CFAP299: variants seen among roughly 807,000 people sequenced by gnomAD.
CFAP299 encodes the protein cilia- and flagella-associated protein 299.
In CFAP299, 21 loss-of-function variants were observed where a neutral mutation model predicts 27.0. The ratio of observed to expected loss-of-function variants is 0.78; its 90% confidence interval spans 0.55 to 1.12. CFAP299 has a LOEUF of 1.12. Ranked by LOEUF, CFAP299 falls within the 50% of genes most tolerant of loss-of-function variation. The pLI is 0.00. For missense variants in CFAP299, 310 were observed against 276.6 expected (o/e 1.12, Z -0.86); for synonymous variants, 104 against 98.1 (o/e 1.06, Z -0.36).
intron 4 of CFAP299, among the ~76,000 whole-genome samples, chr4:80,936,249 A>G (rs1387305279): frequency 6.6e-6 from 1 of 152,096 alleles, no homozygotes; most frequent in African/African-American, 2.4e-5. Flanking sequence ...CAATGACCTA[A>G]AAACAGAAAT....
At chr4:80,727,600 T>C (rs969699804) in intron 3 of CFAP299, among the ~76,000 whole-genome samples, 1 of 152,060 alleles carries the variant, frequency 6.6e-6, no homozygotes, top group African/African-American at 2.4e-5. Context: ...CTTATAATTA[T>C]ACTACATAGG....
rs1241994808 is a variant in CFAP299, at chr4:80,889,035, A to G, written c.476+18900A>G. ...GCAAAAAAAAAAAAAAAAAAAAAAG[A>G]GGGAAAACTTCAAATAAACTACCTA... On this transcript the variant is annotated intron_variant, in intron 4 of 5. Coordinates refer to ENST00000358105, the MANE Select transcript of CFAP299 (RefSeq NM_152770.3). Among the ~76,000 whole-genome samples the G allele has an allele frequency of 2.5e-4, 36 of 143,634 alleles. 1 individual carries two copies. The highest frequency in any genetic ancestry group is 8.9e-4 in the African/African-American group (34 of 38,260). 94.2% of individuals were successfully genotyped at this position (143,634 alleles called of 152,430 possible). A position where few individuals can be genotyped will look rare whatever the true frequency, so the allele number is the denominator to read the frequency against.
rs969468961 is a variant in CFAP299, at chr4:80,530,652, T to C, written c.243-52441T>C. Among the ~76,000 whole-genome samples the C allele has an allele frequency of 2.0e-5, 3 of 152,230 alleles. 1 individual carries two copies. Among genetic ancestry groups the C allele is most frequent in the Non-Finnish European group, 2.9e-5 (2 of 68,040 alleles). On this transcript the variant is annotated intron_variant, in intron 2 of 5. Coordinates refer to ENST00000358105, the MANE Select transcript of CFAP299 (RefSeq NM_152770.3). Reference sequence around the variant, plus strand: ...AAGGAGACAAGAAGGAATCAGTCAATGCATTTTGTGCTAAATTGTAAATGC... The same window carrying C: ...AAGGAGACAAGAAGGAATCAGTCAACGCATTTTGTGCTAAATTGTAAATGC...
At chr4:80,700,491 G>A (rs150552620) in intron 3 of CFAP299, among the ~76,000 whole-genome samples, 140 of 152,232 alleles carry the variant, frequency 9.2e-4, no homozygotes, top group Non-Finnish European at 1.3e-3. Context: ...TAAGGTAGTA[G>A]TACTTCAATT....
At chr4:80,852,587 T>C (rs2110149386) in intron 3 of CFAP299, among the ~76,000 whole-genome samples, 1 of 152,362 alleles carries the variant, frequency 6.6e-6, no homozygotes. Flanking sequence ...GAAGCATTAT[T>C]AATTTACGTG....
At chr4:80,744,804 A>C (rs1421291904) in intron 3 of CFAP299, among the ~76,000 whole-genome samples, 4 of 152,172 alleles carry the variant, frequency 2.6e-5, no homozygotes, top group Non-Finnish European at 5.9e-5. Flanking sequence ...CTAGATGCAC[A>C]TCACTTTATT....
chr4:80,639,098 C>G (rs1201871337), intron 3 of CFAP299, among the ~76,000 whole-genome samples: 1 of 152,132 alleles, frequency 6.6e-6, no homozygotes. Flanking sequence ...AATTACCTCC[C>G]AAAGGCCTCA....
chr4:80,621,247 T>G lies in CFAP299; in HGVS notation c.333+38064T>G, dbSNP rs112723866. Among the ~76,000 whole-genome samples, 11 of 152,212 alleles carry G rather than the reference T, an allele frequency of 7.2e-5. 2 individuals are homozygous for G. Among genetic ancestry groups the G allele is most frequent in the African/African-American group, 2.6e-4 (11 of 41,560 alleles). On this transcript the variant is annotated intron_variant, in intron 3 of 5. Transcript: ENST00000358105. Reference sequence around the variant, plus strand: ...AAGATAACTTCTTTCCTTTTCCCAATGGGTAGGCTTGGACTGCTGAACATG... The same window carrying G: ...AAGATAACTTCTTTCCTTTTCCCAAGGGGTAGGCTTGGACTGCTGAACATG...
At chr4:80,353,021 C>A (rs1180260635) in intron 1 of CFAP299, among the ~76,000 whole-genome samples, 1 of 152,020 alleles carries the variant, frequency 6.6e-6, no homozygotes, top group Non-Finnish European at 1.5e-5. Flanking sequence ...TAAAACAATA[C>A]AAATTGAGTC....
intron 3 of CFAP299, among the ~76,000 whole-genome samples, chr4:80,857,924 A>C (rs1732029176): frequency 6.6e-6 from 1 of 152,128 alleles, no homozygotes; most frequent in Non-Finnish European, 1.5e-5. Flanking sequence ...GGCCTCATAA[A>C]ATGAGTTAGG....
intron 2 of CFAP299, among the ~76,000 whole-genome samples, chr4:80,424,039 T>C (rs1727422135): frequency 6.6e-6 from 1 of 152,218 alleles, no homozygotes; most frequent in Admixed American, 6.5e-5. Flanking sequence ...TCTGTAACTC[T>C]CAATGGGCCC....
chr4:80,567,626 G>A (rs928035966), intron 2 of CFAP299, among the ~76,000 whole-genome samples: 3 of 151,742 alleles, frequency 2.0e-5, no homozygotes, highest in African/African-American at 7.3e-5. Context: ...GATTAAAGGC[G>A]GATTGTCTGT....
At chr4:80,726,401 TAAAAG>T (rs895966162) in intron 3 of CFAP299, among the ~76,000 whole-genome samples, 25 of 152,234 alleles carry the variant, frequency 1.6e-4, no homozygotes, top group African/African-American at 5.8e-4. Context: ...TTTAAACTGT[TAAAAG>T]AAAGAAAAAG....
intron 3 of CFAP299, among the ~76,000 whole-genome samples, chr4:80,695,469 A>T (rs1246333345): frequency 6.6e-6 from 1 of 152,128 alleles, no homozygotes; most frequent in East Asian, 1.9e-4. Context: ...GCTGTGTCCT[A>T]CTCATCTACA....
chr4:80,471,007 G>T (rs761608320), intron 2 of CFAP299, among the ~76,000 whole-genome samples: 9 of 152,282 alleles, frequency 5.9e-5, no homozygotes, highest in Admixed American at 2.0e-4. Context: ...TGTACTAAAT[G>T]CTTTTGTGTA....
At chr4:80,386,453 C>A in intron 2 of CFAP299, 1 of 1,537,732 alleles carries the variant, frequency 6.5e-7, no homozygotes. Flanking sequence ...AGGGGGTCAC[C>A]ACCTTGCGCC....
chr4:80,908,662 C>G (rs533430626), intron 4 of CFAP299, among the ~76,000 whole-genome samples: 1 of 152,244 alleles, frequency 6.6e-6, no homozygotes, highest in East Asian at 1.9e-4. Flanking sequence ...AATGTGCAAA[C>G]CAAATTGCCT....
rs549532433 is a variant in CFAP299, at chr4:80,474,676, A to G, written c.243-108417A>G. Among the ~76,000 whole-genome samples, 322 of 152,314 alleles carry G rather than the reference A, an allele frequency of 2.1e-3. 1 individual carries two copies. The highest frequency in any genetic ancestry group is 4.0e-3 in the Non-Finnish European group (273 of 68,016). On this transcript the variant is annotated intron_variant, in intron 2 of 5. Coordinates refer to ENST00000358105, the MANE Select transcript of CFAP299 (RefSeq NM_152770.3). ...TGAGTTTTATAAATCTGAAGTTGAA[A>G]TTCAGTATTTTATAGTAATACAAAT...
At chr4:80,507,210 G>C (rs1347499273) in intron 2 of CFAP299, among the ~76,000 whole-genome samples, 3 of 152,076 alleles carry the variant, frequency 2.0e-5, no homozygotes, top group Non-Finnish European at 4.4e-5. Flanking sequence ...AAAGGGAGCT[G>C]TCCATATAAT....
Sources: allele counts gnomAD v4.1 joint callset (sites outside exome capture counted in the v4.1 genomes callset), GRCh38; gene constraint gnomAD v4.1.1; transcripts MANE v1.5; gene names NCBI Gene and HGNC (gene_info 2026-07-23, HGNC 2026-07-21).